Variants in IFT43 observed in about 807,000 individuals in gnomAD.
IFT43 encodes intraflagellar transport protein 43 homolog.
IFT43 carries 33 observed loss-of-function variants against 32.3 expected under a neutral mutation model. The observed-to-expected ratio is 1.02, with a 90% CI of 0.77 to 1.37. The LOEUF is 1.37. Among genes scored for constraint, IFT43 ranks in the 40% most tolerant of loss-of-function variants. The pLI is 0.00. For synonymous variants in IFT43, 93 were observed against 98.2 expected (o/e 0.95, Z 0.31); for missense variants, 274 against 265.9 (o/e 1.03, Z -0.21).
intron 3 of IFT43, among the ~76,000 whole-genome samples, chr14:76,053,464 T>C (rs971716852): frequency 6.6e-6 from 1 of 152,188 alleles, no homozygotes; most frequent in Admixed American, 6.5e-5. Flanking sequence ...TAAATGCAAG[T>C]CACGACAGCA....
intron 3 of IFT43, among the ~76,000 whole-genome samples, chr14:76,025,879 A>G (rs1441339986): frequency 6.6e-6 from 1 of 152,238 alleles, no homozygotes; most frequent in African/African-American, 2.4e-5. Context: ...CATTCTGGAC[A>G]TAGGATTGGG....
chr14:76,083,257 A>C lies in IFT43; in HGVS notation c.475A>C (p.Lys159Gln). ...GGAGATCGACCTGAAACTCCTCACC[A>C]AAGTGCTCGCGCCGGAGCACGAAGT... ...DGEIDLKLLT[K>Q]VLAPEHEVRE... Residue 159 changes from lysine (K) to glutamine (Q), a missense_variant, in exon 8 of 9, where the codon AAA (lysine) becomes CAA (glutamine). Coordinates refer to ENST00000314067, the MANE Select transcript of IFT43 (RefSeq NM_001102564.3). 6.2e-7 allele frequency: 1 copy of C among 1,614,144 alleles called. No individual in the cohort carries two copies.
At chr14:76,004,513 A>T (rs1402523166) in intron 2 of IFT43, among the ~76,000 whole-genome samples, 1 of 151,358 alleles carries the variant, frequency 6.6e-6, no homozygotes, top group African/African-American at 2.4e-5. Context: ...ATTTTCTTTG[A>T]TTTTTTTCTG....
chr14:76,062,917 C>CAAAAAAAAAAAAAAA (rs746158153), intron 5 of IFT43, among the ~76,000 whole-genome samples: 80 of 72,470 alleles, frequency 1.1e-3, no homozygotes, highest in African/African-American at 2.4e-3. Context: ...GATCCCATCT[C>CAAAAAAAAAAAAAAA]AAAAAAAAAA....
chr14:76,054,272 CA>C (rs1262942226), intron 3 of IFT43, among the ~76,000 whole-genome samples: 1 of 152,216 alleles, frequency 6.6e-6, no homozygotes, highest in East Asian at 1.9e-4. Context: ...CTCCAGCTTC[CA>C]ATTTGCTGTC....
intron 2 of IFT43, among the ~76,000 whole-genome samples, chr14:75,996,429 C>T (rs1249153931): frequency 2.0e-5 from 3 of 152,290 alleles, no homozygotes; most frequent in African/African-American, 7.2e-5. Flanking sequence ...TGCCCAACAC[C>T]TGCTAACTAT....
chr14:75,985,854 C>G lies in IFT43; in HGVS notation c.54+14C>G. On this transcript the variant is annotated intron_variant, in intron 1 of 8. Coordinates refer to ENST00000314067, the MANE Select transcript of IFT43 (RefSeq NM_001102564.3). ...TTGGCTACCTCCGTGAGGACCAATTCGGGGGCCTTGGGGGCCAGGATTTGG... is the reference window on the plus strand; with the variant it reads ...TTGGCTACCTCCGTGAGGACCAATTGGGGGGCCTTGGGGGCCAGGATTTGG... The G allele has an allele frequency of 1.2e-6, 2 of 1,613,522 alleles. No homozygotes were observed. Among genetic ancestry groups the G allele is most frequent in the Non-Finnish European group, 1.7e-6 (2 of 1,179,752 alleles).
intron 2 of IFT43, among the ~76,000 whole-genome samples, chr14:76,010,128 A>T (rs536278601): frequency 6.6e-6 from 1 of 152,138 alleles, no homozygotes; most frequent in South Asian, 2.1e-4. Flanking sequence ...TTTCTTCCCC[A>T]ATTTCAGGTA....
chr14:76,015,735 C>T (rs998329398), intron 2 of IFT43, among the ~76,000 whole-genome samples: 1 of 152,098 alleles, frequency 6.6e-6, no homozygotes, highest in African/African-American at 2.4e-5. Flanking sequence ...CACCCAATAG[C>T]CATGGCTTCC....
intron 5 of IFT43, among the ~76,000 whole-genome samples, chr14:76,066,106 G>A (rs1051411209): frequency 1.3e-5 from 2 of 152,246 alleles, no homozygotes; most frequent in African/African-American, 2.4e-5. Context: ...CAGGTAGTTT[G>A]TATTAATGTC....
rs972795335 is a variant in IFT43, at chr14:76,022,387, G to T, written c.208G>T (p.Ala70Ser). The change falls in exon 3 of 9, where the codon GCT becomes TCT. Residue 70 changes from alanine to serine, a missense_variant. Ala to Ser is a moderately conservative substitution (Grantham distance 99, BLOSUM62 1). Coordinates refer to ENST00000314067, the MANE Select transcript of IFT43 (RefSeq NM_001102564.3). ...QGGWAGDSVK[A>S]SKFRRKASEE... ...AGGCTGGGCAGGTGATTCCGTGAAG[G>T]CTTCGAAGTGAGTACCAGCAGCTCA... is the stretch of plus-strand genomic sequence containing the variant. 1.9e-6 allele frequency: 3 copies of T among 1,602,014 alleles called. No homozygotes were observed. The highest frequency in any genetic ancestry group is 2.2e-5 in the South Asian group (2 of 90,738).
chr14:76,079,483 A>G (rs1291770667), intron 5 of IFT43, among the ~76,000 whole-genome samples: 1 of 152,080 alleles, frequency 6.6e-6, no homozygotes, highest in East Asian at 1.9e-4. Context: ...GCATAGAGAG[A>G]AAAAGTCACA....
At chr14:76,029,731 T>C (rs2036470281) in intron 3 of IFT43, among the ~76,000 whole-genome samples, 1 of 152,098 alleles carries the variant, frequency 6.6e-6, no homozygotes. Context: ...CCTTTCCCTG[T>C]TGCTTATTTT....
At chr14:75,999,280 TA>T (rs1413657879) in intron 2 of IFT43, among the ~76,000 whole-genome samples, 158 of 23,474 alleles carry the variant, frequency 6.7e-3, no homozygotes, top group South Asian at 0.028. Flanking sequence ...TATGTATATA[TA>T]TTTTTTTTTT....
At chr14:76,042,655 G>A (rs1376536065) in intron 3 of IFT43, among the ~76,000 whole-genome samples, 1 of 152,226 alleles carries the variant, frequency 6.6e-6, no homozygotes, top group South Asian at 2.1e-4. Context: ...GGCCCTGCCA[G>A]CCCTGCCATT....
At chr14:76,012,565 C>T (rs1392496086) in intron 2 of IFT43, among the ~76,000 whole-genome samples, 1 of 152,216 alleles carries the variant, frequency 6.6e-6, no homozygotes, top group Non-Finnish European at 1.5e-5. Flanking sequence ...GGAGAGAACA[C>T]ATTTTTGCTG....
At chr14:76,027,663 T>C (rs1258554470) in intron 3 of IFT43, among the ~76,000 whole-genome samples, 1 of 149,890 alleles carries the variant, frequency 6.7e-6, no homozygotes, top group Admixed American at 6.7e-5. Context: ...GAGCCGAGAT[T>C]GTGCCACTGC....
chr14:76,076,714 A>G (rs753704005), intron 5 of IFT43: 11 of 1,613,704 alleles, frequency 6.8e-6, no homozygotes, highest in South Asian at 6.6e-5. Context: ...CTGTCAGTCT[A>G]CGGGAACTGA....
intron 2 of IFT43, among the ~76,000 whole-genome samples, chr14:75,999,073 T>A (rs2035800504): frequency 6.6e-6 from 1 of 151,392 alleles, no homozygotes; most frequent in Admixed American, 6.6e-5. Flanking sequence ...TTATTGAGCT[T>A]CCTCTGTTTT....
Sources: gnomAD v4.1 joint callset for allele counts (sites outside exome capture counted in the v4.1 genomes callset) on GRCh38, gnomAD v4.1.1 for gene constraint, MANE v1.5 for transcripts, NCBI Gene and HGNC (gene_info 2026-07-23, HGNC 2026-07-21) for gene names.